The following ALK variants were observed in gnomAD, a reference collection of about 807,000 sequenced individuals.
ALK encodes the protein ALK tyrosine kinase receptor.
In ALK, 74 loss-of-function variants were observed where a neutral mutation model predicts 163.1. The observed-to-expected ratio is 0.45, with a 90% CI of 0.38 to 0.55. The LOEUF (loss-of-function observed/expected upper bound fraction) is 0.55, where lower values mean the gene tolerates loss of function less well. Ranked by LOEUF, ALK falls within the 20% of genes least tolerant of loss-of-function variation. The pLI, the probability that ALK is intolerant of heterozygous loss-of-function variation, is 0.00. For synonymous variants in ALK, 960 were observed against 843.2 expected, an observed-to-expected ratio of 1.14 and a Z score of -2.40; for missense variants, 2,063 against 2,105.3, an observed-to-expected ratio of 0.98 and a Z score of 0.39.
At chr2:29,521,375 A>G (rs185008137) in intron 4 of ALK, among the ~76,000 whole-genome samples, 1 of 152,220 alleles carries the variant, frequency 6.6e-6, no homozygotes, top group East Asian at 1.9e-4. Flanking sequence ...GGGGAACACA[A>G]TCAGTCATTG....
At chr2:29,315,027 G>GAAAAAT (rs1364330273) in intron 8 of ALK, among the ~76,000 whole-genome samples, 4 of 152,110 alleles carry the variant, frequency 2.6e-5, no homozygotes, top group South Asian at 2.1e-4. Flanking sequence ...CTGGAGCTCA[G>GAAAAAT]AAAAATAAAA....
chr2:29,436,852 C>A (rs77153530), intron 4 of ALK, among the ~76,000 whole-genome samples: 1,954 of 152,206 alleles, frequency 0.013, 46 homozygotes, highest in African/African-American at 0.045. Context: ...TGATCACAGA[C>A]CAGCCAGAGG....
intron 3 of ALK, among the ~76,000 whole-genome samples, chr2:29,668,899 G>A (rs1558433785): frequency 6.6e-6 from 1 of 152,072 alleles, no homozygotes. Flanking sequence ...AGTGTGTACA[G>A]GGGAACTCCC....
chr2:29,264,505 G>T (rs1665164116), intron 11 of ALK, among the ~76,000 whole-genome samples: 1 of 152,206 alleles, frequency 6.6e-6, no homozygotes, highest in African/African-American at 2.4e-5. Flanking sequence ...ACACTAGTTT[G>T]CTTTCTGCAC....
intron 12 of ALK, among the ~76,000 whole-genome samples, chr2:29,240,464 G>A (rs1323959996): frequency 5.3e-5 from 8 of 152,064 alleles, no homozygotes; most frequent in African/African-American, 1.2e-4. Context: ...TATTAATGAC[G>A]GTAGTAGCCA....
intron 4 of ALK, among the ~76,000 whole-genome samples, chr2:29,447,519 C>G (rs1160547155): frequency 6.6e-6 from 1 of 152,076 alleles, no homozygotes; most frequent in Non-Finnish European, 1.5e-5. Context: ...CCCCAATGTG[C>G]AAAATAGAAT....
intron 1 of ALK, 54 bp from the exon 2 acceptor site, chr2:29,717,751 A>G (rs1444597960): frequency 1.2e-6 from 2 of 1,612,458 alleles, no homozygotes; most frequent in East Asian, 4.5e-5. Context: ...TGTGTCTTTT[A>G]GCTGTCACTC....
At chr2:29,769,135 A>AC (rs1680946494) in intron 1 of ALK, among the ~76,000 whole-genome samples, 1 of 145,278 alleles carries the variant, frequency 6.9e-6, no homozygotes, top group African/African-American at 2.5e-5. Flanking sequence ...CATCTGGCTA[A>AC]ATTTTTTCTT....
At chr2:29,375,679 G>C (rs1668738010) in intron 5 of ALK, among the ~76,000 whole-genome samples, 1 of 152,140 alleles carries the variant, frequency 6.6e-6, no homozygotes, top group African/African-American at 2.4e-5. Flanking sequence ...AGTTATGAGG[G>C]AAATCTTTAA....
chr2:29,352,945 C>T (rs1668156283), intron 5 of ALK, among the ~76,000 whole-genome samples: 1 of 152,224 alleles, frequency 6.6e-6, no homozygotes, highest in Non-Finnish European at 1.5e-5. Context: ...GGGAAGAACT[C>T]AGTTTGTAGT....
At chr2:29,504,521 T>C (rs1456092259) in intron 4 of ALK, among the ~76,000 whole-genome samples, 1 of 152,032 alleles carries the variant, frequency 6.6e-6, no homozygotes, top group African/African-American at 2.4e-5. Flanking sequence ...TGGCTTGGGC[T>C]AGGATGGTAG....
At chr2:29,641,483 G>A (rs76237153) in intron 3 of ALK, among the ~76,000 whole-genome samples, 2,329 of 152,158 alleles carry the variant, frequency 0.015, 38 homozygotes, top group Non-Finnish European at 0.025. Flanking sequence ...GAAAAACAGG[G>A]GCCCTGAGAC....
At chr2:29,741,349 T>C (rs2148324869) in intron 1 of ALK, among the ~76,000 whole-genome samples, 1 of 152,290 alleles carries the variant, frequency 6.6e-6, no homozygotes, top group South Asian at 2.1e-4. Context: ...CATAGGTCTG[T>C]CAATTGTTAC....
At chr2:29,509,783 G>A (rs1286412190) in intron 4 of ALK, among the ~76,000 whole-genome samples, 2 of 152,312 alleles carry the variant, frequency 1.3e-5, no homozygotes, top group Non-Finnish European at 2.9e-5. Flanking sequence ...AGACTTTGGG[G>A]ACACTGGAGA....
At chr2:29,614,025 C>G (rs903432537) in intron 3 of ALK, among the ~76,000 whole-genome samples, 18 of 152,156 alleles carry the variant, frequency 1.2e-4, no homozygotes, top group African/African-American at 4.3e-4. Context: ...CCTGTCCAGA[C>G]AGCCTTGTGT....
In ALK at chr2:29,594,417, G is replaced by T. The variant is rs568612669; in HGVS notation, c.953-62301C>A. Among the ~76,000 whole-genome samples the T allele has an allele frequency of 3.3e-5, 5 of 149,762 alleles. No homozygotes were observed. In the East Asian group the frequency reaches 5.9e-4, roughly 18 times the overall value. On this transcript the variant is annotated intron_variant, in intron 3 of 28. Coordinates refer to ENST00000389048, the MANE Select transcript of ALK (RefSeq NM_004304.5). ...AGTATAGACAAACAGTACAAATAAG[G>T]TCTCCTCACTTTTTTTTTTTTTTTT...
At chr2:29,587,527 A>T (rs1365630248) in intron 3 of ALK, among the ~76,000 whole-genome samples, 1 of 150,896 alleles carries the variant, frequency 6.6e-6, no homozygotes, top group Non-Finnish European at 1.5e-5. Flanking sequence ...CCAGGCCCCT[A>T]AAAAACCCTT....
chr2:29,597,313 T>C (rs1288388590), intron 3 of ALK, among the ~76,000 whole-genome samples: 1 of 152,070 alleles, frequency 6.6e-6, no homozygotes, highest in African/African-American at 2.4e-5. Context: ...GTCAACAGAG[T>C]AGCGAGGGAG....
chr2:29,577,150 C>T (rs187645985), intron 3 of ALK, among the ~76,000 whole-genome samples: 219 of 152,166 alleles, frequency 1.4e-3, no homozygotes, highest in African/African-American at 4.7e-3. Flanking sequence ...GCACCCGCCT[C>T]GGGAGCCCAA....
Sources: allele counts gnomAD v4.1 joint callset (sites outside exome capture counted in the v4.1 genomes callset), GRCh38; gene constraint gnomAD v4.1.1; transcripts MANE v1.5; gene names NCBI Gene and HGNC (gene_info 2026-07-23, HGNC 2026-07-21).